Variants in PCGF6 observed in about 807,000 individuals in gnomAD.
The protein encoded by PCGF6 is polycomb group RING finger protein 6.
PCGF6 carries 24 observed loss-of-function variants against 45.5 expected under a neutral mutation model. The ratio of observed to expected loss-of-function variants is 0.53; its 90% confidence interval spans 0.38 to 0.74. The LOEUF is 0.74. Ranked by LOEUF, PCGF6 falls within the 30% of genes least tolerant of loss-of-function variation. The pLI, the probability that PCGF6 is intolerant of heterozygous loss-of-function variation, is 0.00. For synonymous variants in PCGF6, 152 were observed against 162.1 expected (o/e 0.94, Z 0.47); for missense variants, 356 against 443.2 (o/e 0.80, Z 1.77).
At chr10:103,321,884 T>G (rs1374297300) in intron 8 of PCGF6, among the ~76,000 whole-genome samples, 1 of 151,892 alleles carries the variant, frequency 6.6e-6, no homozygotes, top group Non-Finnish European at 1.5e-5. Flanking sequence ...AAATAGATAT[T>G]ATTTATTTCA....
intron 3 of PCGF6, among the ~76,000 whole-genome samples, chr10:103,348,025 G>C (rs1482412123): frequency 6.6e-6 from 1 of 152,000 alleles, no homozygotes; most frequent in Non-Finnish European, 1.5e-5. Context: ...AAGAAACTGA[G>C]TATGAACTGG....
intron 9 of PCGF6, among the ~76,000 whole-genome samples, chr10:103,304,688 C>T (rs1392252995): frequency 6.9e-6 from 1 of 144,158 alleles, no homozygotes; most frequent in African/African-American, 2.6e-5. Context: ...CAGGGTCTTG[C>T]TGTGTTGCCC....
rs60211186 is a variant in PCGF6 at position 103,340,007 on chromosome 10, C to CAAA, written c.782+5014_782+5016dup. 7.9e-3 allele frequency among the ~76,000 whole-genome samples: 475 copies of CAAA among 60,136 alleles called. 9 individuals are homozygous for CAAA. The highest frequency in any genetic ancestry group is 0.021 in the Middle Eastern group (2 of 94). 39.5% of individuals were successfully genotyped at this position (60,136 alleles called of 152,430 possible). On this transcript the variant is annotated intron_variant, in intron 6 of 9. Transcript: ENST00000369847. ...TGAAACCCCGCCTCTACTAAAAATA[C>CAAA]AAAAAAAAAAAAAAAAAAAAAAATT... is the stretch of plus-strand genomic sequence containing the variant.
intron 9 of PCGF6, chr10:103,312,634 C>T (rs1334637584): frequency 6.6e-6 from 1 of 152,598 alleles, no homozygotes; most frequent in Non-Finnish European, 1.5e-5. Flanking sequence ...TTCATTAGTA[C>T]TTCATAAGCT....
chr10:103,331,702 A>C (rs72846192), intron 7 of PCGF6, among the ~76,000 whole-genome samples: 27,050 of 152,080 alleles, frequency 0.18, 3,074 homozygotes, highest in South Asian at 0.29. Context: ...TTCCTTTTTA[A>C]TTTATTTGCT....
At position 103,350,884 on chromosome 10, in the gene PCGF6, G is replaced by A. The variant is rs2093318662; in HGVS notation, c.183C>T (p.Pro61=). ...GGCTGCGCTCCGGCTCCAGCTCAGGGGGCCGGGAGCCGGAGCAGCCGGGAG... is the reference window on the plus strand; with the variant it reads ...GGCTGCGCTCCGGCTCCAGCTCAGGAGGCCGGGAGCCGGAGCAGCCGGGAG... ...TGAPGCSGSR[P]PELEPERSLG... is the part of the protein sequence containing the mutation. The change falls in exon 1 of 10, where the codon CCC becomes CCT. Residue 61 remains proline (P), a synonymous_variant. Transcript: ENST00000369847. The A allele has an allele frequency of 6.5e-7, 1 of 1,533,414 alleles. No homozygotes were observed. Among genetic ancestry groups the A allele is most frequent in the Non-Finnish European group, 8.8e-7 (1 of 1,142,090 alleles). 95.0% of individuals were successfully genotyped at this position (1,533,414 alleles called of 1,614,324 possible).
At chr10:103,314,355 T>C (rs2093167369) in intron 8 of PCGF6, 83 bp from the exon 9 acceptor site, 4 of 863,964 alleles carry the variant, frequency 4.6e-6, no homozygotes, top group African/African-American at 1.7e-5. Context: ...TCAACATAAA[T>C]TGTTTCCAAA....
chr10:103,322,405 T>A (rs1346611357), intron 8 of PCGF6, among the ~76,000 whole-genome samples: 1 of 151,642 alleles, frequency 6.6e-6, no homozygotes, highest in Non-Finnish European at 1.5e-5. Context: ...GGGGTTTCGC[T>A]ATGTTGCCCA....
intron 8 of PCGF6, among the ~76,000 whole-genome samples, chr10:103,318,614 G>A (rs1028225740): frequency 3.3e-5 from 5 of 149,688 alleles, no homozygotes; most frequent in African/African-American, 9.8e-5. Context: ...GCATGGTGGC[G>A]GTCGCCTGTA....
chr10:103,345,121 G>C lies in PCGF6; in HGVS notation c.685C>G (p.Pro229Ala), dbSNP rs748879383. The C allele has an allele frequency of 4.1e-5, 66 of 1,604,990 alleles. No homozygotes were observed. In the South Asian group the frequency reaches 7.2e-4, roughly 17 times the overall value. The change falls in exon 6 of 10, where the codon CCA (proline) becomes GCA (alanine). Residue 229 changes from proline to alanine, a missense_variant. By Grantham distance (27) the Pro-to-Ala change is conservative. Transcript: ENST00000369847. ...GATCTTCCTTTGCTTGAAGGGACTG[G>C]CTGTGGAACAGCTATTTAATAGTCA... Reference protein sequence around the residue: ...LEVPKPAVPQPVPSSKGRSKK... With the variant: ...LEVPKPAVPQAVPSSKGRSKK...
intron 6 of PCGF6, among the ~76,000 whole-genome samples, chr10:103,344,735 T>G (rs1014025942): frequency 6.6e-6 from 1 of 151,828 alleles, no homozygotes; most frequent in African/African-American, 2.4e-5. Context: ...GCTAATTTTT[T>G]TTTTTTGTAA....
intron 9 of PCGF6, among the ~76,000 whole-genome samples, chr10:103,306,890 G>A (rs1364272195): frequency 6.6e-6 from 1 of 152,100 alleles, no homozygotes; most frequent in Non-Finnish European, 1.5e-5. Context: ...GATCACCTGA[G>A]CCCAGGAGTT....
At chr10:103,335,994 C>G (rs907135706) in intron 6 of PCGF6, among the ~76,000 whole-genome samples, 1 of 150,476 alleles carries the variant, frequency 6.6e-6, no homozygotes, top group African/African-American at 2.4e-5. Context: ...AGGCCAGGCG[C>G]GGTGGCTCAC....
At chr10:103,317,760 T>C (rs1041396638) in intron 8 of PCGF6, among the ~76,000 whole-genome samples, 4 of 151,368 alleles carry the variant, frequency 2.6e-5, no homozygotes, top group African/African-American at 9.7e-5. Context: ...GTTTCTTTTT[T>C]CTGTTTTTTT....
intron 9 of PCGF6, among the ~76,000 whole-genome samples, chr10:103,305,308 G>C (rs2093134344): frequency 6.7e-6 from 1 of 149,800 alleles, no homozygotes; most frequent in African/African-American, 2.5e-5. Flanking sequence ...GTCTGGCTCT[G>C]TCACCAGGCT....
chr10:103,319,277 G>A (rs1232578124), intron 8 of PCGF6, among the ~76,000 whole-genome samples: 1 of 152,092 alleles, frequency 6.6e-6, no homozygotes, highest in Non-Finnish European at 1.5e-5. Flanking sequence ...AGCCTCCTGA[G>A]TAGCTGAGAC....
At chr10:103,340,590 C>T (rs2093277220) in intron 6 of PCGF6, among the ~76,000 whole-genome samples, 1 of 151,504 alleles carries the variant, frequency 6.6e-6, no homozygotes, top group African/African-American at 2.4e-5. Context: ...TGTTACATTT[C>T]CCCAAAATAA....
rs567890649 is a variant in PCGF6 at position 103,338,020 on chromosome 10, C to T, written c.783-4068G>A. Among the ~76,000 whole-genome samples, 2 of 46,098 alleles carry T rather than the reference C, an allele frequency of 4.3e-5. 1 individual carries two copies. The highest frequency in any genetic ancestry group is 1.5e-4 in the African/African-American group (2 of 13,270). 30.2% of individuals were successfully genotyped at this position (46,098 alleles called of 152,430 possible). A position where few individuals can be genotyped will look rare whatever the true frequency, so the allele number is the denominator to read the frequency against. ...CGGAGCTTGCAGTGAGCCGAGATCC[C>T]GCCACTGCACTCCAGCCTGGGTGAC... On this transcript the variant is annotated intron_variant, in intron 6 of 9. Transcript: ENST00000369847.
chr10:103,325,605 C>T lies in PCGF6; in HGVS notation c.909+929G>A, dbSNP rs145885038. Among the ~76,000 whole-genome samples the T allele has an allele frequency of 7.1e-4, 108 of 152,136 alleles. No individual in the cohort carries two copies. The East Asian group carries it at 0.017, about 23-fold the overall frequency. ...ATGCAAGGATGTCCTATAAAGAAAG[C>T]GGATGATAAGCAATATTTTTCTCTA... On this transcript the variant is annotated intron_variant, in intron 8 of 9. Coordinates refer to ENST00000369847, the MANE Select transcript of PCGF6 (RefSeq NM_001011663.2).
Sources: allele counts gnomAD v4.1 joint callset (sites outside exome capture counted in the v4.1 genomes callset), GRCh38; gene constraint gnomAD v4.1.1; transcripts MANE v1.5; gene names NCBI Gene and HGNC (gene_info 2026-07-23, HGNC 2026-07-21).